Variants in TMEM131 observed in about 807,000 individuals in gnomAD.
The protein encoded by TMEM131 is transmembrane protein 131.
In TMEM131, 66 loss-of-function variants were observed where a neutral mutation model predicts 211.6. That is an observed-to-expected ratio of 0.31 (90% CI 0.26 to 0.38). The LOEUF (loss-of-function observed/expected upper bound fraction) is 0.38. Among genes scored for constraint, TMEM131 ranks in the 10% least tolerant of loss-of-function variants. TMEM131 has a pLI of 1.00. For synonymous variants in TMEM131, 844 were observed against 841.3 expected (o/e 1.00, Z -0.06); for missense variants, 2,036 against 2,299.3 (o/e 0.89, Z 2.34).
At chr2:97,895,263 T>C (rs759168649) in intron 3 of TMEM131, among the ~76,000 whole-genome samples, 3 of 152,208 alleles carry the variant, frequency 2.0e-5, no homozygotes, top group Non-Finnish European at 2.9e-5. Context: ...TGGTGCTGGA[T>C]TTGGTTTGCC....
intron 18 of TMEM131, 40 bp downstream of exon 18, chr2:97,811,088 A>G: frequency 7.1e-7 from 1 of 1,398,796 alleles, no homozygotes; most frequent in Non-Finnish European, 1.0e-6. Flanking sequence ...TGACTTATTC[A>G]GAAAAACCCC....
intron 6 of TMEM131, 37 bp downstream of exon 6, chr2:97,844,108 T>G: frequency 1.7e-6 from 1 of 590,372 alleles, no homozygotes; most frequent in African/African-American, 1.9e-5. Flanking sequence ...AGGTAATGAT[T>G]ATATTGTATA....
intron 1 of TMEM131, among the ~76,000 whole-genome samples, chr2:97,967,906 G>A (rs1372725847): frequency 2.0e-5 from 3 of 151,056 alleles, no homozygotes; most frequent in Non-Finnish European, 2.9e-5. Flanking sequence ...TTTTTTTTTG[G>A]AGAGGTTTTT....
chr2:97,883,239 G>A (rs1042384700), intron 4 of TMEM131, among the ~76,000 whole-genome samples: 2 of 152,206 alleles, frequency 1.3e-5, no homozygotes, highest in African/African-American at 4.8e-5. Flanking sequence ...GACACATTCA[G>A]ACTATAGCGA....
intron 3 of TMEM131, among the ~76,000 whole-genome samples, chr2:97,903,480 T>C (rs1012362456): frequency 1.3e-5 from 2 of 152,194 alleles, no homozygotes; most frequent in Non-Finnish European, 2.9e-5. Context: ...CAGAGTTTCA[T>C]GTAAAACACA....
At position 97,772,516 on chromosome 2, in the gene TMEM131, T is replaced by G. The variant is rs879249598; in HGVS notation, c.4321-92A>C. 9.5e-6 allele frequency: 13 copies of G among 1,370,242 alleles called. No homozygotes were observed. In the South Asian group the frequency reaches 1.7e-4, roughly 18 times the overall value. The allele number at this position is 1,370,242 out of a possible 1,614,324, so 84.9% of individuals were successfully genotyped here. ...AGATACAGACACAAAATCAAAGATG[T>G]AAAAATATACACATCATATACGTAA... On this transcript the variant is annotated intron_variant, in intron 32 of 40. Coordinates refer to ENST00000186436, the MANE Select transcript of TMEM131 (RefSeq NM_015348.2).
At chr2:97,939,081 G>T (rs878862597) in intron 1 of TMEM131, among the ~76,000 whole-genome samples, 2 of 152,298 alleles carry the variant, frequency 1.3e-5, no homozygotes, top group African/African-American at 4.8e-5. Flanking sequence ...AAGCAGGAAA[G>T]ATCTAAAATT....
At chr2:97,994,658 A>G (rs1040668703) in intron 1 of TMEM131, among the ~76,000 whole-genome samples, 8 of 152,184 alleles carry the variant, frequency 5.3e-5, no homozygotes, top group African/African-American at 1.9e-4. Flanking sequence ...GACCATTCAC[A>G]TGTCCCTTGG....
intron 1 of TMEM131, among the ~76,000 whole-genome samples, chr2:97,934,439 A>C (rs1042049561): frequency 2.0e-5 from 3 of 152,220 alleles, no homozygotes; most frequent in Non-Finnish European, 2.9e-5. Context: ...TAAAGATGTT[A>C]ATTCTTCCCA....
chr2:97,765,985 T>C (rs929750704), intron 35 of TMEM131, 129 bp downstream of exon 35: 3 of 1,187,016 alleles, frequency 2.5e-6, no homozygotes, highest in African/African-American at 1.5e-5. Flanking sequence ...TAGTTAACAA[T>C]GGGCTCTTAG....
intron 1 of TMEM131, among the ~76,000 whole-genome samples, chr2:97,983,972 T>C (rs762072374): frequency 6.6e-6 from 1 of 152,216 alleles, no homozygotes; most frequent in Non-Finnish European, 1.5e-5. Context: ...CAACTTGTGA[T>C]AATTAGCTAC....
chr2:97,872,464 A>C (rs1674527832), intron 4 of TMEM131, among the ~76,000 whole-genome samples: 1 of 151,976 alleles, frequency 6.6e-6, no homozygotes, highest in Non-Finnish European at 1.5e-5. Context: ...CGCAATAAAA[A>C]CCAATTGCTG....
At position 97,859,424 on chromosome 2, in the gene TMEM131, T is replaced by C; in HGVS notation, c.363A>G (p.Pro121=). Residue 121 remains proline (P), a synonymous_variant, in exon 5 of 41, where the codon CCA becomes CCG. Transcript: ENST00000186436. The part of the protein sequence containing the change: ...EPPMLDFHEQ[P]VGMPKMEKVY... ...CTTTTTCCATTTTTGGCATTCCAAC[T>C]GGTCTGTAAAACAAAAAGAAAATTA... 1.9e-6 allele frequency: 3 copies of C among 1,564,712 alleles called. No homozygotes were observed. Among genetic ancestry groups the C allele is most frequent in the Non-Finnish European group, 2.6e-6 (3 of 1,163,382 alleles).
intron 27 of TMEM131, 62 bp downstream of exon 27, chr2:97,796,782 A>G (rs1680786849): frequency 1.9e-5 from 30 of 1,539,220 alleles, no homozygotes; most frequent in East Asian, 4.5e-5. Flanking sequence ...TGTTTTTGAA[A>G]TTATTTACTG....
At chr2:97,800,958 A>C (rs1032516852) in intron 25 of TMEM131, among the ~76,000 whole-genome samples, 2 of 152,156 alleles carry the variant, frequency 1.3e-5, no homozygotes, top group African/African-American at 4.8e-5. Context: ...ATTATTTGAC[A>C]GAAAAAAATA....
rs1021804926 is a variant in TMEM131 at position 97,761,179 on chromosome 2, G to A, written c.4890-265C>T. On this transcript the variant is annotated intron_variant, in intron 36 of 40. Coordinates refer to ENST00000186436, the MANE Select transcript of TMEM131 (RefSeq NM_015348.2). ...GGATCACAATTTAGGGACTGGCAGA[G>A]GCTTCGATCACACTTTTGTGAAGAA... 3.3e-5 allele frequency: 12 copies of A among 361,228 alleles called. No homozygotes were observed. The South Asian group carries it at 3.5e-4, about 11-fold the overall frequency. The allele number at this position is 361,228 out of a possible 1,614,324, so 22.4% of individuals were successfully genotyped here.
intron 4 of TMEM131, among the ~76,000 whole-genome samples, chr2:97,860,896 A>G (rs1305218393): frequency 6.6e-6 from 1 of 151,976 alleles, no homozygotes; most frequent in Non-Finnish European, 1.5e-5. Flanking sequence ...TAGGGAAGAA[A>G]ATCTTGAATC....
intron 4 of TMEM131, 154 bp downstream of exon 4, chr2:97,887,897 AT>A: frequency 1.7e-6 from 1 of 586,432 alleles, no homozygotes; most frequent in Non-Finnish European, 3.0e-6. Context: ...CTTACTTCCC[AT>A]TTTCAAACTG....
intron 7 of TMEM131, among the ~76,000 whole-genome samples, chr2:97,840,929 A>ATTTC (rs1683166350): frequency 6.6e-6 from 1 of 152,138 alleles, no homozygotes; most frequent in African/African-American, 2.4e-5. Flanking sequence ...GTTCATCCTC[A>ATTTC]TTTCCTCTTC....
Sources: allele counts gnomAD v4.1 joint callset (sites outside exome capture counted in the v4.1 genomes callset), GRCh38; gene constraint gnomAD v4.1.1; transcripts MANE v1.5; gene names NCBI Gene and HGNC (gene_info 2026-07-23, HGNC 2026-07-21).